Variants in CCNF observed in about 807,000 individuals in gnomAD.
CCNF encodes the protein cyclin F.
Under a neutral mutation model 85.4 loss-of-function variants are expected in CCNF, and 30 were observed. That is an observed-to-expected ratio of 0.35 (90% confidence interval 0.26 to 0.48). The LOEUF is 0.48. CCNF is among the 20% of genes least tolerant of loss of function. CCNF has a pLI of 0.99. For synonymous variants in CCNF, 439 were observed against 425.1 expected (o/e 1.03, Z -0.40); for missense variants, 919 against 1,010.4 (o/e 0.91, Z 1.23).
intron 10 of CCNF, among the ~76,000 whole-genome samples, chr16:2,448,338 G>A (rs1315071607): frequency 6.6e-6 from 1 of 152,178 alleles, no homozygotes; most frequent in East Asian, 1.9e-4. Context: ...TAACAGCCTT[G>A]CTGCTTTCTG....
Position 2,435,834 on chromosome 16 carries a change from G to T in CCNF, c.307G>T (p.Ala103Ser), listed in dbSNP as rs760436368. ...RAAEKGNFEAAVKLGIAYLYN... is the reference protein window; with the variant it reads ...RAAEKGNFEASVKLGIAYLYN... ...TGCTGAAAAGGGGAATTTCGAAGCT[G>T]CTGTGAAGCTGGGCATAGCCTACCT... Residue 103 changes from alanine to serine, a missense_variant, in exon 4 of 17, where the codon GCT becomes TCT. Around this residue, in one of 3 missense-constraint regions of CCNF, gnomAD observed 410 missense variants for 478.6 expected, o/e 0.86. Transcript: ENST00000397066. 1.2e-6 allele frequency: 2 copies of T among 1,613,864 alleles called. No individual in the cohort carries two copies. The highest frequency in any genetic ancestry group is 2.2e-5 in the East Asian group (1 of 44,878).
rs1567392447 is a variant in CCNF, at chr16:2,456,663, A to T, written c.2004A>T (p.Pro668=). Residue 668 remains proline, a synonymous_variant, in exon 17 of 17, where the codon CCA becomes CCT. Coordinates refer to ENST00000397066, the MANE Select transcript of CCNF (RefSeq NM_001761.3). The surrounding 1 kb of genome is among the most constrained non-coding windows in gnomAD (Gnocchi z 4.5). ...CAGAGGACAAGGGACCCCAGGACCC[A>T]CAGGCACTGGCGCTGGACACCCAGA... ...ACPEDKGPQD[P]QALALDTQIP... 6.2e-7 allele frequency: 1 copy of T among 1,613,350 alleles called. No individual in the cohort carries two copies. The highest frequency in any genetic ancestry group is 2.2e-5 in the East Asian group (1 of 44,892).
chr16:2,429,456 C>T lies in CCNF; in HGVS notation c.-26C>T. On this transcript the variant is annotated 5_prime_UTR_variant, in exon 1 of 17. Transcript: ENST00000397066. ...GCGCGGGCGCGCTCTCAGGCGGGCTCCGGCGGCAGCGACGCGAGCGCGGCG... is the reference window on the plus strand; with the variant it reads ...GCGCGGGCGCGCTCTCAGGCGGGCTTCGGCGGCAGCGACGCGAGCGCGGCG... The T allele has an allele frequency of 1.6e-6, 2 of 1,221,460 alleles. No individual in the cohort carries two copies. The highest frequency in any genetic ancestry group is 2.0e-6 in the Non-Finnish European group (2 of 982,070). The allele number at this position is 1,221,460 out of a possible 1,614,324, so 75.7% of individuals were successfully genotyped here.
chr16:2,434,618 A>G (rs1294970973), intron 3 of CCNF, among the ~76,000 whole-genome samples: 1 of 152,218 alleles, frequency 6.6e-6, no homozygotes, highest in South Asian at 2.1e-4. Context: ...CTCAAAATAA[A>G]TAAATAAGTA....
chr16:2,438,081 A>T lies in CCNF; in HGVS notation c.552A>T (p.Ala184=). Residue 184 remains alanine, a synonymous_variant, in exon 6 of 17, where the codon GCA becomes GCT. Coordinates refer to ENST00000397066, the MANE Select transcript of CCNF (RefSeq NM_001761.3). ...AECQLQRTHK[A]SILHCLGRVL... ...TCCTTTTTTTAAAGACTCACAAAGC[A>T]TCCATATTGCACTGCTTGGGCAGAG... is the stretch of plus-strand genomic sequence containing the variant. The T allele has an allele frequency of 6.2e-7, 1 of 1,611,428 alleles. No homozygotes were observed. The highest frequency in any genetic ancestry group is 1.7e-5 in the Admixed American group (1 of 60,010).
At chr16:2,449,027 G>A (rs757581748) in intron 11 of CCNF, 49 bp downstream of exon 11, 5 of 1,506,066 alleles carry the variant, frequency 3.3e-6, no homozygotes, top group Non-Finnish European at 4.6e-6. Context: ...TCGCTGTGCT[G>A]GAGGGTGGGG....
chr16:2,444,155 G>C (rs1415264965), intron 9 of CCNF, among the ~76,000 whole-genome samples: 1 of 151,974 alleles, frequency 6.6e-6, no homozygotes, highest in East Asian at 1.9e-4. Flanking sequence ...TCCTGACCTC[G>C]TGATCCGCCC....
intron 1 of CCNF, among the ~76,000 whole-genome samples, chr16:2,430,109 C>T (rs1440361765): frequency 1.3e-5 from 2 of 152,130 alleles, no homozygotes; most frequent in Admixed American, 1.3e-4. Context: ...GCTTTTGCAG[C>T]TGATTTAATT....
Position 2,453,230 on chromosome 16 carries a change from A to G in CCNF, c.1508A>G (p.Lys503Arg). The G allele has an allele frequency of 6.2e-7, 1 of 1,613,742 alleles. No homozygotes were observed. ...HKKCFHDDAP[K>R]DYRQVSLTAV... ...TCCAGCTTCCATGATGACGCCCCCA[A>G]GGACTACAGGCAAGTCTCTCTGACC... Residue 503 changes from lysine (K) to arginine (R), a missense_variant, in exon 14 of 17, where the codon AAG becomes AGG. By Grantham distance (26) the Lys-to-Arg change is conservative (BLOSUM62 2). Around this residue, in one of 3 missense-constraint regions of CCNF, gnomAD observed 505 missense variants for 514.8 expected, o/e 0.98. Coordinates refer to ENST00000397066, the MANE Select transcript of CCNF (RefSeq NM_001761.3). This position sits in a 1 kb window ranked among gnomAD's most constrained non-coding sequence, Gnocchi z 5.6.
Position 2,455,534 on chromosome 16 carries a change from C to T in CCNF, c.1855C>T (p.Gln619Ter). 1 of 1,602,408 alleles carries T rather than the reference C, an allele frequency of 6.2e-7. No individual in the cohort carries two copies. Among genetic ancestry groups the T allele is most frequent in the Non-Finnish European group, 8.5e-7 (1 of 1,170,634 alleles). The change falls in exon 16 of 17, where the codon CAG (glutamine) becomes TAG (stop). Residue 619 changes from glutamine to a stop codon, truncating the protein, a stop_gained. Transcript: ENST00000397066. LOFTEE classifies it low-confidence loss of function (END_TRUNC). ...LDCCSGYEGDQESEGEKEGDV... is the reference protein window; with the variant it reads ...LDCCSGYEGD ...CTGCTGCTCTGGCTATGAAGGCGAC[C>T]AGGAGAGTGAGGGCGAGAAGGAGGG... is the stretch of plus-strand genomic sequence containing the variant.
rs1408721347 is a variant in CCNF at position 2,455,426 on chromosome 16, G to A, written c.1747G>A (p.Gly583Ser). 5 of 1,589,902 alleles carry A rather than the reference G, an allele frequency of 3.1e-6. No homozygotes were observed. The South Asian group carries it at 3.3e-5, about 11-fold the overall frequency. ...GGAGAACAGCCTCCAGGAAGACAGAGGCAGCTTCGTTACCACCCCCACTGC... is the reference window on the plus strand; with the variant it reads ...GGAGAACAGCCTCCAGGAAGACAGAAGCAGCTTCGTTACCACCCCCACTGC... ...KRENSLQEDR[G>S]SFVTTPTAEL... Residue 583 changes from glycine (G) to serine (S), a missense_variant, in exon 16 of 17, where the codon GGC (glycine) becomes AGC (serine). Around this residue, in one of 3 missense-constraint regions of CCNF, gnomAD observed 505 missense variants for 514.8 expected, o/e 0.98. Coordinates refer to ENST00000397066, the MANE Select transcript of CCNF (RefSeq NM_001761.3).
intron 3 of CCNF, among the ~76,000 whole-genome samples, chr16:2,435,485 C>T (rs949437949): frequency 8.0e-5 from 12 of 149,730 alleles, no homozygotes; most frequent in East Asian, 7.9e-4. Context: ...CTTGGGATGC[C>T]GGGGTGGGAG....
At chr16:2,449,078 C>A in intron 11 of CCNF, 100 bp downstream of exon 11, 1 of 1,533,768 alleles carries the variant, frequency 6.5e-7, no homozygotes, top group Non-Finnish European at 9.0e-7. Context: ...GCCTCATGGA[C>A]TCAGAGAGCA....
intron 10 of CCNF, among the ~76,000 whole-genome samples, chr16:2,448,642 G>A (rs1407109506): frequency 6.6e-6 from 1 of 152,130 alleles, no homozygotes; most frequent in African/African-American, 2.4e-5. Context: ...TCGAACTCCT[G>A]GCTGAGCTGT....
chr16:2,451,151 T>C lies in CCNF; in HGVS notation c.1487+1236T>C, dbSNP rs1335534092. On this transcript the variant is annotated intron_variant, in intron 13 of 16. Transcript: ENST00000397066. This position sits in a 1 kb window ranked among gnomAD's most constrained non-coding sequence, Gnocchi z 4.3. ...GCAGTTCATGAAGTCCCTACCGTGG[T>C]CCAGGCGCTGGGGGAGAGGGCAGGA... 6.6e-6 allele frequency among the ~76,000 whole-genome samples: 1 copy of C among 152,204 alleles called. No individual in the cohort carries two copies. The highest frequency in any genetic ancestry group is 2.4e-5 in the African/African-American group (1 of 41,446).
intron 13 of CCNF, among the ~76,000 whole-genome samples, chr16:2,450,197 A>T (rs2065386646): frequency 6.8e-6 from 1 of 146,050 alleles, no homozygotes; most frequent in African/African-American, 2.6e-5. Flanking sequence ...ACAGAGCAAG[A>T]CTCTGTCTCT....
At chr16:2,441,792 C>CA (rs2065322309) in intron 8 of CCNF, among the ~76,000 whole-genome samples, 1 of 150,858 alleles carries the variant, frequency 6.6e-6, no homozygotes, top group South Asian at 2.1e-4. Flanking sequence ...GTTGGGATTA[C>CA]AGGAGTGAGC....
chr16:2,446,913 T>C (rs188866309), intron 10 of CCNF, among the ~76,000 whole-genome samples: 39 of 151,970 alleles, frequency 2.6e-4, no homozygotes, highest in African/African-American at 9.2e-4. Flanking sequence ...GGAGGTGTAG[T>C]CTCTTCGGGC....
rs138583693 is a variant in CCNF, at chr16:2,452,177, C to T, written c.1488-1033C>T. Among the ~76,000 whole-genome samples, 332 of 152,338 alleles carry T rather than the reference C, an allele frequency of 2.2e-3. 2 individuals carry two copies. Among genetic ancestry groups the T allele is most frequent in the Middle Eastern group, 0.017 (5 of 294 alleles). ...GTCCCGTGTACGTCACCCAGGGCCT[C>T]GCTGTCCGGCTTCCAGGATGAGATC... On this transcript the variant is annotated intron_variant, in intron 13 of 16. Transcript: ENST00000397066. This position sits in a 1 kb window ranked among gnomAD's most constrained non-coding sequence, Gnocchi z 4.1.
Sources: allele counts gnomAD v4.1 joint callset (sites outside exome capture counted in the v4.1 genomes callset), GRCh38; gene constraint gnomAD v4.1.1; regional missense constraint gnomAD v4.1.1; non-coding constraint Gnocchi (gnomAD v3.1); transcripts MANE v1.5; gene names NCBI Gene and HGNC (gene_info 2026-07-23, HGNC 2026-07-21).